Variants in FAM234A observed in about 807,000 individuals in gnomAD.
FAM234A encodes the protein family with sequence similarity 234 member A, also known as protein FAM234A.
A neutral mutation model predicts 49.1 loss-of-function variants in FAM234A; 42 were observed. That is an observed-to-expected ratio of 0.86 (90% CI 0.67 to 1.11). The LOEUF (loss-of-function observed/expected upper bound fraction) is 1.11. Among genes scored for constraint, FAM234A ranks in the 50% least tolerant of loss-of-function variants. FAM234A has a pLI of 0.00. For synonymous variants in FAM234A, 369 were observed against 316.2 expected (o/e 1.17, Z -1.77); for missense variants, 815 against 745.2 (o/e 1.09, Z -1.09).
Position 260,010 on chromosome 16 carries a change from G to A in FAM234A, c.427G>A (p.Ala143Thr). The A allele has an allele frequency of 6.2e-7, 1 of 1,609,760 alleles. No individual in the cohort carries two copies. Among genetic ancestry groups the A allele is most frequent in the Non-Finnish European group, 8.5e-7 (1 of 1,176,614 alleles). The change falls in exon 5 of 13, where the codon GCC (alanine) becomes ACC (threonine). Residue 143 changes from alanine to threonine, a missense_variant. Coordinates refer to ENST00000399932, the MANE Select transcript of FAM234A (RefSeq NM_032039.4). ...CACCTTTGCAGCTGCTGTGTCGGGG[G>A]CCAACGGCAGCACGCTCTGGGAGAG... The part of the protein sequence containing the change: ...PCTFAAAVSG[A>T]NGSTLWERPV...
At chr16:256,057 C>T (rs930765773) in intron 3 of FAM234A, among the ~76,000 whole-genome samples, 4 of 152,216 alleles carry the variant, frequency 2.6e-5, no homozygotes, top group Non-Finnish European at 4.4e-5. Context: ...TCGTTTGTGT[C>T]GTGGTCTGTC....
intron 2 of FAM234A, among the ~76,000 whole-genome samples, chr16:251,551 T>A (rs2051007598): frequency 6.6e-6 from 1 of 151,872 alleles, no homozygotes; most frequent in South Asian, 2.1e-4. Context: ...ATTTTTTTGG[T>A]ATTTTTAGTA....
chr16:263,121 C>A, intron 8 of FAM234A, 141 bp from the exon 9 acceptor site: 1 of 1,091,150 alleles, frequency 9.2e-7, no homozygotes, highest in East Asian at 2.4e-5. Flanking sequence ...CCCAGCTCTT[C>A]TCTTTTCAAG....
In FAM234A at chr16:262,210, A is replaced by C. The variant is rs1180261632; in HGVS notation, c.826A>C (p.Ile276Leu). ...LHVTRTGAHY[I>L]LFPCASSLCG... ...CGTCACCAGGACAGGTGCCCACTAC[A>C]TCCTCTTTCCCTGCGGTACGTTGTT... Residue 276 changes from isoleucine (I) to leucine (L), a missense_variant, in exon 7 of 13, where the codon ATC becomes CTC. Transcript: ENST00000399932. The C allele has an allele frequency of 3.7e-6, 6 of 1,613,826 alleles. No homozygotes were observed. The South Asian group carries it at 6.6e-5, about 18-fold the overall frequency.
At chr16:237,092 G>A (rs1275316223) in intron 1 of FAM234A, among the ~76,000 whole-genome samples, 1 of 151,720 alleles carries the variant, frequency 6.6e-6, no homozygotes, top group East Asian at 1.9e-4. Context: ...AAAATATGTA[G>A]ATGGGTTCTC....
chr16:241,706 A>G (rs2142236937), intron 1 of FAM234A, among the ~76,000 whole-genome samples: 1 of 152,236 alleles, frequency 6.6e-6, no homozygotes, highest in East Asian at 1.9e-4. Context: ...TCACGAGGTC[A>G]GCAGATCGAG....
rs562739300 is a variant in FAM234A, at chr16:264,912, C to T, written c.1549C>T (p.Arg517Trp). The T allele has an allele frequency of 7.6e-5, 122 of 1,612,982 alleles. No individual in the cohort carries two copies. Among genetic ancestry groups the T allele is most frequent in the East Asian group, 3.8e-4 (17 of 44,880 alleles). The change falls in exon 13 of 13, where the codon CGG becomes TGG. Residue 517 changes from arginine (R) to tryptophan (W), a missense_variant. By Grantham distance (101) the Arg-to-Trp change is moderately radical. Coordinates refer to ENST00000399932, the MANE Select transcript of FAM234A (RefSeq NM_032039.4). ...GGTCTCTGTGATCAAGCACAAGGTG[C>T]GGGACCTTGTCCCAAGCAGCAGGGT... ...GLVSVIKHKV[R>W]DLVPSSRVVR... is the part of the protein sequence containing the mutation.
At chr16:263,960 C>G in intron 10 of FAM234A, 56 bp from the exon 11 acceptor site, 1 of 1,568,388 alleles carries the variant, frequency 6.4e-7, no homozygotes, top group African/African-American at 1.3e-5. Flanking sequence ...GTGCAAGCCT[C>G]GAGCTTTTCC....
chr16:266,050 C>T lies in FAM234A; in HGVS notation c.*1028C>T. The T allele has an allele frequency of 3.0e-6, 3 of 986,000 alleles. No homozygotes were observed. Among genetic ancestry groups the T allele is most frequent in the Non-Finnish European group, 3.6e-6 (3 of 830,068 alleles). The allele number at this position is 986,000 out of a possible 1,614,324, so 61.1% of individuals were successfully genotyped here. ...TAGCCAAAGCAGCCTGATGACCCAC[C>T]CACCAAGGAAGAAAGCAGAATAAAC... On this transcript the variant is annotated 3_prime_UTR_variant, in exon 13 of 13. Coordinates refer to ENST00000399932, the MANE Select transcript of FAM234A (RefSeq NM_032039.4).
intron 1 of FAM234A, among the ~76,000 whole-genome samples, chr16:240,721 C>T (rs568655027): frequency 1.3e-5 from 2 of 152,122 alleles, no homozygotes; most frequent in South Asian, 2.1e-4. Flanking sequence ...AGGTTGGTCT[C>T]GCACTCCTGA....
At chr16:257,778 G>A (rs2051293557) in intron 3 of FAM234A, among the ~76,000 whole-genome samples, 1 of 152,078 alleles carries the variant, frequency 6.6e-6, no homozygotes, top group South Asian at 2.1e-4. Flanking sequence ...TTGAGGCCTC[G>A]AGTTCAAGGC....
intron 5 of FAM234A, chr16:260,915 A>G (rs1260928199): frequency 3.1e-6 from 1 of 322,876 alleles, no homozygotes; most frequent in Admixed American, 4.2e-5. Context: ...CTTGCCTTCT[A>G]TGTGGAGGGC....
In FAM234A at chr16:259,494, T is replaced by C; in HGVS notation, c.280T>C (p.Phe94Leu). 6.3e-7 allele frequency: 1 copy of C among 1,599,788 alleles called. No individual in the cohort carries two copies. Among genetic ancestry groups the C allele is most frequent in the East Asian group, 2.2e-5 (1 of 44,826 alleles). Residue 94 changes from phenylalanine (F) to leucine (L), a missense_variant, in exon 4 of 13, where the codon TTT becomes CTT. Coordinates refer to ENST00000399932, the MANE Select transcript of FAM234A (RefSeq NM_032039.4). Reference sequence around the variant, plus strand: ...GTTTTCTCTTTCAGTTATCTATGACTTTCTGGCTGTGGATGATATAAACGG... The same window carrying C: ...GTTTTCTCTTTCAGTTATCTATGACCTTCTGGCTGTGGATGATATAAACGG... ...IDYSAAVIYD[F>L]LAVDDINGDR... is the part of the protein sequence containing the mutation.
Position 255,932 on chromosome 16 carries a change from G to A in FAM234A, c.268+1251G>A, listed in dbSNP as rs532113433. On this transcript the variant is annotated intron_variant, in intron 3 of 12. Transcript: ENST00000399932. Reference sequence around the variant, plus strand: ...CCCGCTTAAGTCTCCAAAAAGGGCTGGGATTACCGGCGTGAGCCACCGCGC... The same window carrying A: ...CCCGCTTAAGTCTCCAAAAAGGGCTAGGATTACCGGCGTGAGCCACCGCGC... Among the ~76,000 whole-genome samples the A allele has an allele frequency of 4.6e-5, 7 of 152,346 alleles. No individual in the cohort carries two copies. The South Asian group carries it at 1.2e-3, about 27-fold the overall frequency.
At chr16:245,691 T>C (rs1014356981) in intron 1 of FAM234A, among the ~76,000 whole-genome samples, 9 of 151,962 alleles carry the variant, frequency 5.9e-5, no homozygotes, top group African/African-American at 2.2e-4. Context: ...AAAAAATCTG[T>C]GAATGTTTTA....
In FAM234A at chr16:266,061, G is replaced by T; in HGVS notation, c.*1039G>T. ...GCCTGATGACCCACCCACCAAGGAA[G>T]AAAGCAGAATAAACATTTTTGCACT... On this transcript the variant is annotated 3_prime_UTR_variant, in exon 13 of 13. Transcript: ENST00000399932. 1 of 986,088 alleles carries T rather than the reference G, an allele frequency of 1.0e-6. No individual in the cohort carries two copies. Among genetic ancestry groups the T allele is most frequent in the South Asian group, 4.7e-5 (1 of 21,294 alleles). The allele number at this position is 986,088 out of a possible 1,614,324, so 61.1% of individuals were successfully genotyped here. A position where few individuals can be genotyped will look rare whatever the true frequency, so the allele number is the denominator to read the frequency against.
intron 6 of FAM234A, 40 bp downstream of exon 6, chr16:261,554 AC>A: frequency 6.5e-7 from 1 of 1,537,416 alleles, no homozygotes; most frequent in South Asian, 1.2e-5. Flanking sequence ...TCACGAGGCC[AC>A]CTGCCACACG....
Position 263,413 on chromosome 16 carries a change from T to A in FAM234A, c.1112+11T>A, listed in dbSNP as rs1275407888. ...AGCCCATGTCCTGAGGTACAGGGTT[T>A]CCCCAAGGACCGCGCAGGTGCTGCA... On this transcript the variant is annotated intron_variant, in intron 9 of 12. Coordinates refer to ENST00000399932, the MANE Select transcript of FAM234A (RefSeq NM_032039.4). 1.1e-5 allele frequency: 18 copies of A among 1,606,872 alleles called. No homozygotes were observed. The highest frequency in any genetic ancestry group is 5.0e-5 in the Admixed American group (3 of 59,964).
chr16:266,424 T>C (rs566003726), downstream of FAM234A, among the ~76,000 whole-genome samples: 2 of 152,262 alleles, frequency 1.3e-5, no homozygotes. Context: ...GAGGGCTGGC[T>C]GGAGTCCAGC....
Sources: allele counts gnomAD v4.1 joint callset (sites outside exome capture counted in the v4.1 genomes callset), GRCh38; gene constraint gnomAD v4.1.1; transcripts MANE v1.5; gene names NCBI Gene and HGNC (gene_info 2026-07-23, HGNC 2026-07-21).